TBC1D2B: variants seen among roughly 807,000 people sequenced by gnomAD.
TBC1D2B encodes the protein TBC1 domain family, member 2B.
Under a neutral mutation model 100.8 loss-of-function variants are expected in TBC1D2B, and 64 were observed. The ratio of observed to expected loss-of-function variants is 0.64; its 90% CI spans 0.52 to 0.78. The LOEUF is 0.78. TBC1D2B is among the 30% of genes least tolerant of loss of function. TBC1D2B has a pLI of 0.00. For synonymous variants in TBC1D2B, 480 were observed against 479.7 expected (o/e 1.00, Z -0.01); for missense variants, 1,052 against 1,218.4 (o/e 0.86, Z 2.03).
chr15:78,019,343 T>C (rs1047974427), intron 6 of TBC1D2B, among the ~76,000 whole-genome samples: 3 of 152,194 alleles, frequency 2.0e-5, no homozygotes, highest in Non-Finnish European at 2.9e-5. Context: ...AGGTGAAGAA[T>C]TGAGCCATAG....
chr15:78,061,618 T>G (rs1417933772), intron 1 of TBC1D2B, among the ~76,000 whole-genome samples: 4 of 148,866 alleles, frequency 2.7e-5, no homozygotes, highest in African/African-American at 9.8e-5. Flanking sequence ...ATAATAGCAT[T>G]AGGACAACTG....
chr15:78,026,377 G>T lies in TBC1D2B; in HGVS notation c.848-880C>A, dbSNP rs1002018019. On this transcript the variant is annotated intron_variant, in intron 4 of 12. Coordinates refer to ENST00000300584, the MANE Select transcript of TBC1D2B (RefSeq NM_144572.2). ...GCAATAAAAACAAGTTTGGTCCCCT[G>T]GCTCTCCCTCACCCTTGCCCTCTCT... is the stretch of plus-strand genomic sequence containing the variant. Among the ~76,000 whole-genome samples, 49 of 152,188 alleles carry T rather than the reference G, an allele frequency of 3.2e-4. 2 individuals carry two copies. In the East Asian group the frequency reaches 8.5e-3, roughly 26 times the overall value.
chr15:78,070,448 C>T (rs964264780), intron 1 of TBC1D2B, among the ~76,000 whole-genome samples: 16 of 152,162 alleles, frequency 1.1e-4, no homozygotes, highest in African/African-American at 2.7e-4. Flanking sequence ...CGTCTGTCCC[C>T]CCCACCTACT....
intron 6 of TBC1D2B, among the ~76,000 whole-genome samples, chr15:78,021,221 G>C (rs2072507673): frequency 6.6e-6 from 1 of 151,684 alleles, no homozygotes; most frequent in Admixed American, 6.6e-5. Context: ...AGCATCCACT[G>C]ACAATAAAGC....
intron 4 of TBC1D2B, among the ~76,000 whole-genome samples, chr15:78,028,515 A>C (rs972789506): frequency 1.3e-5 from 2 of 152,228 alleles, no homozygotes; most frequent in African/African-American, 4.8e-5. Context: ...GAATGTTAAA[A>C]GCATCAGGCA....
At chr15:78,016,213 G>C (rs559820816) in intron 8 of TBC1D2B, among the ~76,000 whole-genome samples, 1 of 152,052 alleles carries the variant, frequency 6.6e-6, no homozygotes, top group South Asian at 2.1e-4. Flanking sequence ...CCTTTGTTTT[G>C]AACCACCTGT....
intron 11 of TBC1D2B, 45 bp from the exon 12 acceptor site, chr15:78,001,785 G>C: frequency 6.4e-7 from 1 of 1,566,482 alleles, no homozygotes; most frequent in Non-Finnish European, 8.6e-7. Context: ...AACCCTGTGG[G>C]TCCAGGCACA....
intron 6 of TBC1D2B, among the ~76,000 whole-genome samples, chr15:78,020,983 A>G (rs1373662012): frequency 1.3e-5 from 2 of 152,240 alleles, no homozygotes; most frequent in East Asian, 3.9e-4. Context: ...CTGGGGCCAC[A>G]GTGTTGAATG....
intron 3 of TBC1D2B, among the ~76,000 whole-genome samples, chr15:78,041,772 G>T (rs2073098553): frequency 6.6e-6 from 1 of 152,156 alleles, no homozygotes; most frequent in South Asian, 2.1e-4. Context: ...TCTACAGAAA[G>T]TGGTCCCAAA....
At chr15:78,060,398 G>A (rs2073517661) in intron 1 of TBC1D2B, among the ~76,000 whole-genome samples, 1 of 152,068 alleles carries the variant, frequency 6.6e-6, no homozygotes, top group Admixed American at 6.5e-5. Flanking sequence ...AGCCCTTTGG[G>A]AGGCCCAGGT....
Position 78,012,813 on chromosome 15 carries a change from G to A in TBC1D2B, c.2270+10C>T. ...ATGGCAAATGGGAACATTTTGTGCT[G>A]TGCACCCACCTGTTTAGGCCTTGAC... On this transcript the variant is annotated intron_variant, in intron 9 of 12. Coordinates refer to ENST00000300584, the MANE Select transcript of TBC1D2B (RefSeq NM_144572.2). 6.7e-7 allele frequency: 1 copy of A among 1,486,196 alleles called. No homozygotes were observed. The highest frequency in any genetic ancestry group is 8.9e-7 in the Non-Finnish European group (1 of 1,118,020). 92.1% of individuals were successfully genotyped at this position (1,486,196 alleles called of 1,614,324 possible).
At chr15:78,031,814 A>G (rs866298848) in intron 3 of TBC1D2B, among the ~76,000 whole-genome samples, 14 of 152,206 alleles carry the variant, frequency 9.2e-5, no homozygotes, top group Non-Finnish European at 5.9e-5. Context: ...AAAATTAAAA[A>G]TACAGGAAAC....
chr15:78,077,620 G>A lies in TBC1D2B; in HGVS notation c.33C>T (p.Gly11=). 2 of 986,826 alleles carry A rather than the reference G, an allele frequency of 2.0e-6. No homozygotes were observed. The highest frequency in any genetic ancestry group is 1.2e-6 in the Non-Finnish European group (1 of 836,234). 61.1% of individuals were successfully genotyped at this position (986,826 alleles called of 1,614,324 possible). MPGAGARAEE[G]GGGGEGAAQG... ...GCGCCGCGCCCTCGCCGCCGCCGCC[G>A]CCCTCCTCCGCCCGGGCTCCGGCCC... The change falls in exon 1 of 13, where the codon GGC becomes GGT. Residue 11 remains glycine (G), a synonymous_variant. Coordinates refer to ENST00000300584, the MANE Select transcript of TBC1D2B (RefSeq NM_144572.2).
chr15:78,039,980 A>T (rs2073037438), intron 3 of TBC1D2B, among the ~76,000 whole-genome samples: 1 of 152,220 alleles, frequency 6.6e-6, no homozygotes, highest in African/African-American at 2.4e-5. Context: ...CCTAGCACCC[A>T]GAGATGGGCG....
chr15:78,034,558 C>A (rs979139676), intron 3 of TBC1D2B: 1 of 985,170 alleles, frequency 1.0e-6, no homozygotes, highest in Admixed American at 6.2e-5. Context: ...AGCAGGGACA[C>A]CCCCACACGG....
intron 1 of TBC1D2B, among the ~76,000 whole-genome samples, chr15:78,074,088 A>T (rs1201975905): frequency 6.8e-6 from 1 of 146,252 alleles, no homozygotes; most frequent in Non-Finnish European, 1.5e-5. Flanking sequence ...CAGTGGTGTG[A>T]TCTCGGCTCA....
chr15:78,004,569 C>T (rs920911041), intron 10 of TBC1D2B, among the ~76,000 whole-genome samples: 3 of 152,234 alleles, frequency 2.0e-5, no homozygotes, highest in African/African-American at 4.8e-5. Context: ...ACCCACTCCA[C>T]GTGAACCGGT....
chr15:78,064,306 G>C (rs1482772313), intron 1 of TBC1D2B, among the ~76,000 whole-genome samples: 1 of 152,092 alleles, frequency 6.6e-6, no homozygotes, highest in Non-Finnish European at 1.5e-5. Flanking sequence ...ATGAACTCTG[G>C]GTTCCTTCCC....
chr15:78,058,707 G>A (rs2073479656), intron 1 of TBC1D2B, among the ~76,000 whole-genome samples: 1 of 152,196 alleles, frequency 6.6e-6, no homozygotes, highest in Non-Finnish European at 1.5e-5. Flanking sequence ...GGACCGGGAA[G>A]GATCACCATC....
Sources: gnomAD v4.1 joint callset for allele counts (sites outside exome capture counted in the v4.1 genomes callset) on GRCh38, gnomAD v4.1.1 for gene constraint, MANE v1.5 for transcripts, NCBI Gene and HGNC (gene_info 2026-07-23, HGNC 2026-07-21) for gene names.